The following FGD4 variants were observed in gnomAD, a reference collection of about 807,000 sequenced individuals.
FGD4 encodes the protein FYVE, RhoGEF and PH domain containing 4.
A neutral mutation model predicts 102.0 loss-of-function variants in FGD4; 42 were observed. The ratio of observed to expected loss-of-function variants is 0.41; its 90% CI spans 0.32 to 0.53. The LOEUF (loss-of-function observed/expected upper bound fraction) is 0.53, where lower values mean the gene tolerates loss of function less well. Among genes scored for constraint, FGD4 ranks in the 20% least tolerant of loss-of-function variants. The pLI is 0.21. For missense variants in FGD4, 902 were observed against 1,078.2 expected (o/e 0.84, Z 2.29); for synonymous variants, 380 against 375.7 (o/e 1.01, Z -0.13).
intron 1 of FGD4, among the ~76,000 whole-genome samples, chr12:32,511,430 C>T (rs912090640): frequency 2.6e-5 from 4 of 152,016 alleles, no homozygotes; most frequent in South Asian, 2.1e-4. Flanking sequence ...TCCAGAGTAG[C>T]TTGGGACTAC....
Position 32,638,185 on chromosome 12 carries a change from G to C in FGD4, c.2314-470G>C, listed in dbSNP as rs548295685. On this transcript the variant is annotated intron_variant, in intron 15 of 16. Transcript: ENST00000534526. ...AAGACCAGTGTGGGCAATGTAGTGA[G>C]ACCCTGTTTCTACAAAAAATTTAAA... 2.4e-4 allele frequency among the ~76,000 whole-genome samples: 37 copies of C among 152,242 alleles called. No homozygotes were observed. In the East Asian group the frequency reaches 4.4e-3, roughly 18 times the overall value.
chr12:32,468,162 C>T (rs945780560), intron 1 of FGD4, among the ~76,000 whole-genome samples: 2 of 152,110 alleles, frequency 1.3e-5, no homozygotes, highest in African/African-American at 4.8e-5. Context: ...CCCACCTCAG[C>T]CTTCCAAGTA....
chr12:32,609,798 G>A (rs1949031109), intron 8 of FGD4, among the ~76,000 whole-genome samples: 1 of 152,156 alleles, frequency 6.6e-6, no homozygotes, highest in Non-Finnish European at 1.5e-5. Context: ...GGTTGTTGTG[G>A]TAACAGAATT....
intron 4 of FGD4, among the ~76,000 whole-genome samples, chr12:32,594,220 G>T (rs961661567): frequency 2.6e-5 from 4 of 152,102 alleles, no homozygotes; most frequent in African/African-American, 9.7e-5. Flanking sequence ...TTACAGGCTT[G>T]CTCCCCATCA....
chr12:32,459,898 G>A (rs1026225986), intron 1 of FGD4, among the ~76,000 whole-genome samples: 3 of 151,554 alleles, frequency 2.0e-5, no homozygotes, highest in Admixed American at 6.6e-5. Flanking sequence ...TTGGAGAGAC[G>A]TGGTCTCATG....
intron 1 of FGD4, among the ~76,000 whole-genome samples, chr12:32,549,318 G>A (rs1352437247): frequency 6.6e-6 from 1 of 152,214 alleles, no homozygotes; most frequent in Non-Finnish European, 1.5e-5. Context: ...TTGTCCCAGG[G>A]CCTGTGGCAT....
intron 4 of FGD4, among the ~76,000 whole-genome samples, chr12:32,594,407 C>T (rs1947709778): frequency 6.6e-6 from 1 of 152,132 alleles, no homozygotes; most frequent in African/African-American, 2.4e-5. Context: ...ATGGGACTGT[C>T]TAGTTGCAGG....
chr12:32,456,522 C>A (rs1281566479), intron 1 of FGD4, among the ~76,000 whole-genome samples: 1 of 152,064 alleles, frequency 6.6e-6, no homozygotes, highest in Non-Finnish European at 1.5e-5. Context: ...GCTCAAAACT[C>A]AAAGATAGGT....
Position 32,601,145 on chromosome 12 carries a change from A to G in FGD4, c.1102-133A>G, listed in dbSNP as rs1948396296. The G allele has an allele frequency of 4.6e-6, 4 of 861,566 alleles. No homozygotes were observed. In the South Asian group the frequency reaches 6.4e-5, roughly 14 times the overall value. 53.4% of individuals were successfully genotyped at this position (861,566 alleles called of 1,614,324 possible). Reference sequence around the variant, plus strand: ...AGCATATACTCACTCCTAAATTTCAAAGGATTCTCTTGAACTGTAAACTTT... The same window carrying G: ...AGCATATACTCACTCCTAAATTTCAGAGGATTCTCTTGAACTGTAAACTTT... On this transcript the variant is annotated intron_variant, in intron 5 of 16. Transcript: ENST00000534526.
At chr12:32,491,673 A>G (rs1944096985) in intron 1 of FGD4, among the ~76,000 whole-genome samples, 1 of 152,178 alleles carries the variant, frequency 6.6e-6, no homozygotes, top group Non-Finnish European at 1.5e-5. Context: ...TGGTACATAT[A>G]CGTCATATAC....
At chr12:32,472,738 G>A (rs1443952648) in intron 1 of FGD4, among the ~76,000 whole-genome samples, 2 of 152,250 alleles carry the variant, frequency 1.3e-5, no homozygotes, top group Non-Finnish European at 2.9e-5. Context: ...TCCACTAGGT[G>A]AAGCCAGCTG....
chr12:32,613,377 T>G (rs145604809), intron 10 of FGD4, among the ~76,000 whole-genome samples: 252 of 152,352 alleles, frequency 1.7e-3, no homozygotes, highest in African/African-American at 5.8e-3. Context: ...TTTCAAAGCT[T>G]TTTTTGCAAC....
chr12:32,629,789 T>G (rs147411216), intron 14 of FGD4, among the ~76,000 whole-genome samples: 1 of 152,232 alleles, frequency 6.6e-6, no homozygotes, highest in African/African-American at 2.4e-5. Flanking sequence ...TGATAGTGTT[T>G]GTTGTTTGCC....
At chr12:32,417,676 T>A (rs1316670310) in intron 1 of FGD4, among the ~76,000 whole-genome samples, 2 of 151,966 alleles carry the variant, frequency 1.3e-5, no homozygotes, top group African/African-American at 4.8e-5. Flanking sequence ...CAGGCTGGTC[T>A]CCAACGCCAG....
intron 1 of FGD4, among the ~76,000 whole-genome samples, chr12:32,495,694 T>C (rs1937763801): frequency 1.4e-5 from 1 of 70,098 alleles, no homozygotes; most frequent in African/African-American, 1.1e-4. Flanking sequence ...AGACTCTGTT[T>C]CAAAAAAAAA....
chr12:32,471,130 C>A (rs1055122834), intron 1 of FGD4, among the ~76,000 whole-genome samples: 17 of 152,290 alleles, frequency 1.1e-4, no homozygotes, highest in East Asian at 1.9e-4. Flanking sequence ...GCCTGCCAAC[C>A]TTCCCCCCAA....
intron 1 of FGD4, among the ~76,000 whole-genome samples, chr12:32,516,287 G>A (rs889956183): frequency 6.6e-6 from 1 of 152,116 alleles, no homozygotes; most frequent in Non-Finnish European, 1.5e-5. Context: ...TACTCCAGGT[G>A]TGCGCCACCA....
At chr12:32,414,545 T>C (rs2136402915) in intron 1 of FGD4, among the ~76,000 whole-genome samples, 1 of 152,280 alleles carries the variant, frequency 6.6e-6, no homozygotes, top group South Asian at 2.1e-4. Context: ...TATTTTTTTT[T>C]GTACTCATTA....
chr12:32,451,171 A>G (rs1376930227), intron 1 of FGD4, among the ~76,000 whole-genome samples: 1 of 152,192 alleles, frequency 6.6e-6, no homozygotes, highest in South Asian at 2.1e-4. Flanking sequence ...CAGTCCTTCT[A>G]TCTAATTAAT....
Sources: allele counts gnomAD v4.1 joint callset (sites outside exome capture counted in the v4.1 genomes callset), GRCh38; gene constraint gnomAD v4.1.1; transcripts MANE v1.5; gene names NCBI Gene and HGNC (gene_info 2026-07-23, HGNC 2026-07-21).